SOX6: variants seen among roughly 807,000 people sequenced by gnomAD.
The protein encoded by SOX6 is transcription factor SOX-6.
Under a neutral mutation model 97.8 loss-of-function variants are expected in SOX6, and 11 were observed. That is an observed-to-expected ratio of 0.11 (90% CI 0.07 to 0.19). The LOEUF (loss-of-function observed/expected upper bound fraction) is 0.19, where lower values mean the gene tolerates loss of function less well. Among genes scored for constraint, SOX6 ranks in the 10% least tolerant of loss-of-function variants. The pLI, the probability that SOX6 is intolerant of heterozygous loss-of-function variation, is 1.00. For missense variants in SOX6, 810 were observed against 1,039.5 expected (o/e 0.78, Z 3.04); for synonymous variants, 360 against 371.4 (o/e 0.97, Z 0.35).
At chr11:16,727,164 A>G (rs1039646140) in intron 2 of SOX6, among the ~76,000 whole-genome samples, 1 of 148,166 alleles carries the variant, frequency 6.7e-6, no homozygotes, top group African/African-American at 2.7e-5. Flanking sequence ...GGAGTCTACA[A>G]CTGTGATGGG....
chr11:16,142,578 C>A (rs1213364753), intron 6 of SOX6, among the ~76,000 whole-genome samples: 3 of 152,056 alleles, frequency 2.0e-5, no homozygotes, highest in Admixed American at 6.6e-5. Flanking sequence ...AATTCGAACC[C>A]ATCACAAAGA....
chr11:16,169,064 T>C (rs1850963180), intron 6 of SOX6, among the ~76,000 whole-genome samples: 1 of 152,186 alleles, frequency 6.6e-6, no homozygotes, highest in African/African-American at 2.4e-5. Context: ...AAAGTCAAAA[T>C]GTAAGCTTGT....
intron 4 of SOX6, among the ~76,000 whole-genome samples, chr11:16,601,187 C>T (rs1045356053): frequency 1.3e-5 from 2 of 152,118 alleles, no homozygotes; most frequent in Non-Finnish European, 2.9e-5. Flanking sequence ...ATCTCATATA[C>T]CTACATAACT....
At chr11:16,646,445 C>T (rs534964649) in intron 3 of SOX6, 1 of 150,958 alleles carries the variant, frequency 6.6e-6, no homozygotes, top group Non-Finnish European at 1.5e-5. Flanking sequence ...GTTTATCATC[C>T]TTTCGTAAGT....
intron 4 of SOX6, among the ~76,000 whole-genome samples, chr11:16,597,177 C>A (rs986901282): frequency 1.3e-5 from 2 of 151,974 alleles, no homozygotes; most frequent in Admixed American, 1.3e-4. Flanking sequence ...ACTTTAAAGG[C>A]TGACGAGTAC....
At chr11:16,383,442 C>T (rs1006904986) in intron 1 of SOX6, among the ~76,000 whole-genome samples, 1 of 151,900 alleles carries the variant, frequency 6.6e-6, no homozygotes, top group African/African-American at 2.4e-5. Flanking sequence ...GAGGAGCACA[C>T]CTAGGTTCAA....
chr11:16,009,139 A>C (rs1854640641), intron 13 of SOX6, among the ~76,000 whole-genome samples: 1 of 151,886 alleles, frequency 6.6e-6, no homozygotes. Context: ...TTTTATTCCT[A>C]GTATCTAGTA....
At chr11:16,388,744 TTG>T (rs1466353371) in intron 1 of SOX6, among the ~76,000 whole-genome samples, 1 of 152,166 alleles carries the variant, frequency 6.6e-6, no homozygotes, top group Non-Finnish European at 1.5e-5. Flanking sequence ...TATTGGTAAG[TTG>T]TGTTTCTTTT....
At chr11:16,177,076 G>A (rs1290458596) in intron 6 of SOX6, among the ~76,000 whole-genome samples, 2 of 151,816 alleles carry the variant, frequency 1.3e-5, no homozygotes, top group Non-Finnish European at 2.9e-5. Context: ...TAAAACTATT[G>A]AAAAACAAAG....
intron 7 of SOX6, among the ~76,000 whole-genome samples, chr11:16,110,642 A>G (rs1331430323): frequency 6.6e-6 from 1 of 152,124 alleles, no homozygotes; most frequent in African/African-American, 2.4e-5. Context: ...TAACATCTCA[A>G]TTCCTTGAAT....
chr11:16,625,317 T>G (rs898164409), intron 3 of SOX6, among the ~76,000 whole-genome samples: 4 of 131,936 alleles, frequency 3.0e-5, no homozygotes, highest in African/African-American at 1.0e-4. Flanking sequence ...CATCTTTAAT[T>G]AATTTTTTTG....
intron 4 of SOX6, among the ~76,000 whole-genome samples, chr11:16,584,254 A>G (rs986187739): frequency 6.6e-6 from 1 of 152,182 alleles, no homozygotes; most frequent in Non-Finnish European, 1.5e-5. Context: ...CACACCACAA[A>G]AAAGGGAACT....
chr11:16,075,554 G>C (rs1848334052), intron 9 of SOX6, among the ~76,000 whole-genome samples: 1 of 152,100 alleles, frequency 6.6e-6, no homozygotes, highest in African/African-American at 2.4e-5. Context: ...AATATCACAA[G>C]GACAGAAAAC....
In SOX6 at chr11:16,316,803, A is replaced by G. The variant is rs1261525269; in HGVS notation, c.445+1643T>C. 3 of 152,050 alleles carry G rather than the reference A, an allele frequency of 2.0e-5. No homozygotes were observed. In the East Asian group the frequency reaches 5.8e-4, roughly 29 times the overall value. The allele number at this position is 152,050 out of a possible 1,614,324, so 9.4% of individuals were successfully genotyped here. ...TTATTCAGTAGATAATTATCTGGCA[A>G]TCCCCATTATTCAGAACATAGCCAA... On this transcript the variant is annotated intron_variant, in intron 3 of 15. Transcript: ENST00000683767.
At chr11:16,663,782 G>A (rs960911913) in intron 3 of SOX6, among the ~76,000 whole-genome samples, 4 of 152,176 alleles carry the variant, frequency 2.6e-5, no homozygotes, top group Admixed American at 1.3e-4. Context: ...CAATTAATTC[G>A]AGGTATGTTT....
intron 4 of SOX6, among the ~76,000 whole-genome samples, chr11:16,579,010 C>A (rs1019493949): frequency 6.6e-5 from 10 of 151,954 alleles, no homozygotes; most frequent in Non-Finnish European, 1.3e-4. Flanking sequence ...CTAATTTAAC[C>A]AAAGTTTGTC....
intron 4 of SOX6, among the ~76,000 whole-genome samples, chr11:16,526,933 C>T (rs1233458350): frequency 1.3e-5 from 2 of 152,088 alleles, no homozygotes; most frequent in East Asian, 3.9e-4. Context: ...CCCACACCTA[C>T]ATGCATAAAT....
intron 4 of SOX6, among the ~76,000 whole-genome samples, chr11:16,484,871 C>T (rs1051984148): frequency 3.9e-5 from 6 of 152,128 alleles, no homozygotes; most frequent in Admixed American, 3.9e-4. Flanking sequence ...TATACAATCA[C>T]CTAAAAAGCT....
chr11:16,494,789 T>C (rs1040786297), intron 4 of SOX6, among the ~76,000 whole-genome samples: 3 of 152,150 alleles, frequency 2.0e-5, no homozygotes, highest in Non-Finnish European at 4.4e-5. Context: ...CAGTGGTTCA[T>C]ATTCCCACAG....
Sources: gnomAD v4.1 joint callset for allele counts (sites outside exome capture counted in the v4.1 genomes callset) on GRCh38, gnomAD v4.1.1 for gene constraint, MANE v1.5 for transcripts, NCBI Gene and HGNC (gene_info 2026-07-23, HGNC 2026-07-21) for gene names.